Variants in POGZ observed in about 807,000 individuals in gnomAD.
The protein encoded by POGZ is pogo transposable element with ZNF domain.
In POGZ, 17 loss-of-function variants were observed where a neutral mutation model predicts 134.6. The ratio of observed to expected loss-of-function variants is 0.13; its 90% confidence interval spans 0.09 to 0.19. The LOEUF (loss-of-function observed/expected upper bound fraction) is 0.19. Ranked by LOEUF, POGZ falls within the 10% of genes least tolerant of loss-of-function variation. The probability of loss-of-function intolerance (pLI) is 1.00; values close to 1 mark genes in which losing one functional copy is unlikely to be tolerated. For missense variants in POGZ, 1,306 were observed against 1,769.7 expected, an observed-to-expected ratio of 0.74 and a Z score of 4.70; for synonymous variants, 693 against 657.1, an observed-to-expected ratio of 1.05 and a Z score of -0.84.
intron 10 of POGZ, among the ~76,000 whole-genome samples, chr1:151,415,923 A>G (rs1655558431): frequency 6.6e-6 from 1 of 151,810 alleles, no homozygotes; most frequent in South Asian, 2.1e-4. Flanking sequence ...TTAAAAGACT[A>G]TGAATCAGGG....
chr1:151,456,219 C>T (rs1571608194), intron 1 of POGZ, among the ~76,000 whole-genome samples: 1 of 152,110 alleles, frequency 6.6e-6, no homozygotes, highest in South Asian at 2.1e-4. Flanking sequence ...CTGAGTTATG[C>T]CCATCTTCCA....
chr1:151,417,157 G>A (rs187659925), intron 10 of POGZ, among the ~76,000 whole-genome samples: 54 of 151,324 alleles, frequency 3.6e-4, no homozygotes, highest in African/African-American at 1.2e-3. Flanking sequence ...TTCGCCTCCC[G>A]GGTTCAAGTA....
chr1:151,404,426 A>G lies in POGZ; in HGVS notation c.*376T>C, dbSNP rs1343954165. On this transcript the variant is annotated 3_prime_UTR_variant, in exon 19 of 19. Coordinates refer to ENST00000271715, the MANE Select transcript of POGZ (RefSeq NM_015100.4). The stretch of plus-strand genomic sequence containing the variant: ...ACAAAAAAACCCAGTACTATGATAC[A>G]ATTGAGGTAAAAGGGGAAACAAAAA... 2.0e-6 allele frequency: 2 copies of G among 1,001,646 alleles called. No homozygotes were observed. Among genetic ancestry groups the G allele is most frequent in the African/African-American group, 3.5e-5 (2 of 57,528 alleles). 62.0% of individuals were successfully genotyped at this position (1,001,646 alleles called of 1,614,324 possible).
At chr1:151,431,320 A>G (rs1658659266) in intron 3 of POGZ, among the ~76,000 whole-genome samples, 1 of 152,182 alleles carries the variant, frequency 6.6e-6, no homozygotes, top group Non-Finnish European at 1.5e-5. Flanking sequence ...GACCACACAT[A>G]ATCTCCCCCA....
At chr1:151,407,961 A>G (rs1653954127) in intron 15 of POGZ, 139 bp downstream of exon 15, 5 of 635,814 alleles carry the variant, frequency 7.9e-6, no homozygotes, top group Non-Finnish European at 1.3e-5. Flanking sequence ...GCAGTGAGCC[A>G]AGATCATGCT....
chr1:151,411,844 C>A, intron 11 of POGZ, 73 bp from the exon 12 acceptor site: 19 of 1,318,994 alleles, frequency 1.4e-5, no homozygotes, highest in South Asian at 3.4e-5. Flanking sequence ...AAAAAGGTAG[C>A]AACAAAAATT....
rs1310493289 is a variant in POGZ, at chr1:151,412,457, C to T, written c.1679-61G>A. The T allele has an allele frequency of 4.1e-5, 37 of 894,546 alleles. 2 individuals carry two copies. In the Admixed American group the frequency reaches 7.1e-4, roughly 17 times the overall value. The allele number at this position is 894,546 out of a possible 1,614,324, so 55.4% of individuals were successfully genotyped here. A position where few individuals can be genotyped will look rare whatever the true frequency, so the allele number is the denominator to read the frequency against. On this transcript the variant is annotated intron_variant, in intron 10 of 18. Transcript: ENST00000271715. ...AAATAAGACAAAAGTCCTGCTGACT[C>T]ACAATCTTTATTTTCTCTGCCTCCT...
Position 151,428,254 on chromosome 1 carries a change from T to C in POGZ, c.728A>G (p.Gln243Arg). The change falls in exon 6 of 19, where the codon CAG becomes CGG. Residue 243 changes from glutamine to arginine, a missense_variant. By Grantham distance (43) the Gln-to-Arg change is conservative (BLOSUM62 1). Transcript: ENST00000271715. ...ATLTIRSTVPQSQSQQTKSTP... is the reference protein window; with the variant it reads ...ATLTIRSTVPRSQSQQTKSTP... Reference sequence around the variant, plus strand: ...GGACTTGGTCTGCTGGGACTGGGACTGTGGGACGGTGCTTCGAATGGTAAG... The same window carrying C: ...GGACTTGGTCTGCTGGGACTGGGACCGTGGGACGGTGCTTCGAATGGTAAG... The C allele has an allele frequency of 6.2e-7, 1 of 1,614,126 alleles. No homozygotes were observed. Among genetic ancestry groups the C allele is most frequent in the Non-Finnish European group, 8.5e-7 (1 of 1,180,012 alleles).
At position 151,409,369 on chromosome 1, in the gene POGZ, T is replaced by C. The variant is rs553551064; in HGVS notation, c.1927-541A>G. Among the ~76,000 whole-genome samples, 217 of 148,472 alleles carry C rather than the reference T, an allele frequency of 1.5e-3. 1 individual carries two copies. Among genetic ancestry groups the C allele is most frequent in the Non-Finnish European group, 2.2e-3 (145 of 66,588 alleles). ...TCACAAATACATTCATATCCAATCA[T>C]TACCTGCCTCGCCCCCTTTTTTTGA... On this transcript the variant is annotated intron_variant, in intron 12 of 18. Coordinates refer to ENST00000271715, the MANE Select transcript of POGZ (RefSeq NM_015100.4).
At chr1:151,435,424 TACTG>T (rs1659409173) in intron 3 of POGZ, among the ~76,000 whole-genome samples, 2 of 152,144 alleles carry the variant, frequency 1.3e-5, no homozygotes, top group South Asian at 4.1e-4. Flanking sequence ...AATTTTAAAA[TACTG>T]AGTAGTAAAT....
At chr1:151,436,111 C>T (rs6669679) in intron 3 of POGZ, among the ~76,000 whole-genome samples, 12,084 of 151,920 alleles carry the variant, frequency 0.08, 1,322 homozygotes, top group East Asian at 0.44. Flanking sequence ...CACATGCCAC[C>T]ATGCCCGGCT....
chr1:151,403,471 C>A lies in POGZ; in HGVS notation c.*1331G>T. The A allele has an allele frequency of 2.0e-6, 2 of 985,840 alleles. No homozygotes were observed. The highest frequency in any genetic ancestry group is 2.4e-6 in the Non-Finnish European group (2 of 829,942). 61.1% of individuals were successfully genotyped at this position (985,840 alleles called of 1,614,324 possible). A position where few individuals can be genotyped will look rare whatever the true frequency, so the allele number is the denominator to read the frequency against. ...CACAGGAGGGGAACATTGTGGAAAGCCTCAGGATAAACAGAAGACTTGGTT... is the reference window on the plus strand; with the variant it reads ...CACAGGAGGGGAACATTGTGGAAAGACTCAGGATAAACAGAAGACTTGGTT... On this transcript the variant is annotated 3_prime_UTR_variant, in exon 19 of 19. Transcript: ENST00000271715.
At chr1:151,452,072 G>A (rs1386738467) in intron 1 of POGZ, among the ~76,000 whole-genome samples, 2 of 145,008 alleles carry the variant, frequency 1.4e-5, no homozygotes, top group Non-Finnish European at 3.0e-5. Context: ...ACTCCAGCCT[G>A]GGCAACAAGA....
chr1:151,442,272 G>GA (rs1660654162), intron 1 of POGZ, 67 bp from the exon 2 acceptor site: 5 of 1,451,414 alleles, frequency 3.4e-6, no homozygotes, highest in Non-Finnish European at 4.7e-6. Flanking sequence ...TACCAAATAT[G>GA]AAATCAGAAC....
intron 1 of POGZ, among the ~76,000 whole-genome samples, chr1:151,448,082 T>C (rs1437679040): frequency 1.3e-5 from 2 of 152,166 alleles, no homozygotes; most frequent in Non-Finnish European, 2.9e-5. Context: ...TACCTCCATA[T>C]GAATCCCCAA....
chr1:151,406,510 C>G, intron 18 of POGZ, 46 bp from the exon 19 acceptor site: 1 of 1,556,112 alleles, frequency 6.4e-7, no homozygotes, highest in Non-Finnish European at 8.6e-7. Context: ...CTCAGTTCAA[C>G]TAGGAAATTG....
At chr1:151,444,682 T>A (rs1301256103) in intron 1 of POGZ, among the ~76,000 whole-genome samples, 1 of 152,230 alleles carries the variant, frequency 6.6e-6, no homozygotes, top group African/African-American at 2.4e-5. Flanking sequence ...TTTAATAGCA[T>A]ACCCAAAAGG....
rs199729197 is a variant in POGZ, at chr1:151,423,230, T to TA, written c.1678+166dup. 5.9e-3 allele frequency among the ~76,000 whole-genome samples: 895 copies of TA among 151,118 alleles called. 18 individuals are homozygous for TA. The highest frequency in any genetic ancestry group is 0.045 in the Admixed American group (681 of 15,172). On this transcript the variant is annotated intron_variant, in intron 10 of 18. Transcript: ENST00000271715. Reference sequence around the variant, plus strand: ...TTGAACAAAATAAAAGTCAGGCTTGTAAAAAAAAACAAGGTGAATGAAGTA... The same window carrying TA: ...TTGAACAAAATAAAAGTCAGGCTTGTAAAAAAAAAACAAGGTGAATGAAGTA...
At chr1:151,428,474 C>T in intron 5 of POGZ, 61 bp from the exon 6 acceptor site, 1 of 1,397,276 alleles carries the variant, frequency 7.2e-7, no homozygotes, top group Non-Finnish European at 1.0e-6. Context: ...ACACATTCTC[C>T]CTGCCTTTAC....
Sources: allele counts gnomAD v4.1 joint callset (sites outside exome capture counted in the v4.1 genomes callset), GRCh38; gene constraint gnomAD v4.1.1; transcripts MANE v1.5; gene names NCBI Gene and HGNC (gene_info 2026-07-23, HGNC 2026-07-21).